Variants in CEP83 observed in about 807,000 individuals in gnomAD.
CEP83 encodes the protein centrosomal protein 83, also known as centrosomal protein of 83 kDa.
In CEP83, 70 loss-of-function variants were observed where a neutral mutation model predicts 101.9. The ratio of observed to expected loss-of-function variants is 0.69; its 90% confidence interval spans 0.57 to 0.84. CEP83 has a LOEUF of 0.84. Among genes scored for constraint, CEP83 ranks in the 40% least tolerant of loss-of-function variants. The pLI is 0.00. For missense variants in CEP83, 715 were observed against 787.2 expected, an observed-to-expected ratio of 0.91 and a Z score of 1.10; for synonymous variants, 264 against 267.9, an observed-to-expected ratio of 0.99 and a Z score of 0.14.
At chr12:94,408,612 C>T (rs866570057) in intron 4 of CEP83, among the ~76,000 whole-genome samples, 8 of 151,990 alleles carry the variant, frequency 5.3e-5, no homozygotes, top group East Asian at 1.9e-4. Context: ...CAGGGTCTCG[C>T]GCTGTTGCCC....
At chr12:94,403,544 A>C (rs1448129781) in intron 4 of CEP83, among the ~76,000 whole-genome samples, 2 of 152,190 alleles carry the variant, frequency 1.3e-5, no homozygotes, top group African/African-American at 4.8e-5. Flanking sequence ...GGCAGCTAAG[A>C]CTATCATGTT....
intron 11 of CEP83, among the ~76,000 whole-genome samples, chr12:94,363,252 C>G (rs953499720): frequency 2.6e-5 from 4 of 152,168 alleles, no homozygotes; most frequent in Non-Finnish European, 5.9e-5. Context: ...TTGATCATTA[C>G]ACATTGTATA....
intron 11 of CEP83, among the ~76,000 whole-genome samples, chr12:94,367,109 C>G (rs1257055682): frequency 6.6e-6 from 1 of 151,916 alleles, no homozygotes; most frequent in Non-Finnish European, 1.5e-5. Flanking sequence ...TTGGCAAATG[C>G]TAGAGTTATA....
At chr12:94,373,536 C>A (rs2061394225) in intron 8 of CEP83, among the ~76,000 whole-genome samples, 1 of 152,128 alleles carries the variant, frequency 6.6e-6, no homozygotes, top group African/African-American at 2.4e-5. Context: ...GATGTAATTA[C>A]CCAATTAATT....
chr12:94,369,894 A>AG (rs745810975), intron 9 of CEP83, 28 bp downstream of exon 9: 1 of 1,106,102 alleles, frequency 9.0e-7, no homozygotes, highest in East Asian at 2.4e-5. Context: ...AAGCAGCAGC[A>AG]GCAGCAGCAA....
intron 2 of CEP83, chr12:94,424,891 T>C (rs1339258108): frequency 5.6e-6 from 9 of 1,599,442 alleles, no homozygotes; most frequent in African/African-American, 1.3e-5. Flanking sequence ...GCTGAGCCAA[T>C]GACACATATG....
chr12:94,415,129 A>G (rs1208235284), intron 2 of CEP83, among the ~76,000 whole-genome samples: 2 of 152,114 alleles, frequency 1.3e-5, no homozygotes, highest in Non-Finnish European at 2.9e-5. Flanking sequence ...AAACATGAAA[A>G]CAAGGCAGAA....
intron 2 of CEP83, chr12:94,424,400 G>A: frequency 1.2e-6 from 2 of 1,613,958 alleles, no homozygotes; most frequent in Non-Finnish European, 1.7e-6. Flanking sequence ...GGTGATGATG[G>A]CTTCACACTT....
chr12:94,312,544 A>C (rs938905357), intron 15 of CEP83: 1 of 984,406 alleles, frequency 1.0e-6, no homozygotes, highest in African/African-American at 1.7e-5. Context: ...GCTCAATAAA[A>C]TCTCCACACC....
chr12:94,326,115 G>T lies in CEP83; in HGVS notation c.1707+5585C>A, dbSNP rs149306345. On this transcript the variant is annotated intron_variant, in intron 14 of 16. Transcript: ENST00000397809. ...TCCCCTGACCCGTAAGAAGGGGAGGGGGCTGGAAACTCTTCAACAATGAGA... is the reference window on the plus strand; with the variant it reads ...TCCCCTGACCCGTAAGAAGGGGAGGTGGCTGGAAACTCTTCAACAATGAGA... Among the ~76,000 whole-genome samples, 326 of 152,128 alleles carry T rather than the reference G, an allele frequency of 2.1e-3. 1 individual carries two copies. The highest frequency in any genetic ancestry group is 7.4e-3 in the African/African-American group (307 of 41,510).
chr12:94,342,610 GTTTAA>G (rs1336757902), intron 11 of CEP83, among the ~76,000 whole-genome samples: 1 of 152,038 alleles, frequency 6.6e-6, no homozygotes, highest in African/African-American at 2.4e-5. Context: ...AAAATAAAAT[GTTTAA>G]TTTATTAAAA....
At chr12:94,447,198 G>A (rs183708867) in intron 1 of CEP83, among the ~76,000 whole-genome samples, 9 of 152,286 alleles carry the variant, frequency 5.9e-5, no homozygotes, top group Admixed American at 1.3e-4. Context: ...AGTCCCTCAG[G>A]ATAAAAGGAA....
chr12:94,442,267 G>C (rs1038491000), intron 1 of CEP83, among the ~76,000 whole-genome samples: 4 of 151,892 alleles, frequency 2.6e-5, no homozygotes, highest in African/African-American at 9.7e-5. Context: ...AAGTAACTCA[G>C]GAATGGAAAA....
chr12:94,273,459 T>G, the CEP83 span, among the ~76,000 whole-genome samples: 1 of 152,116 alleles, frequency 6.6e-6, no homozygotes, highest in African/African-American at 2.4e-5. Context: ...TCTAGGGGCC[T>G]CCCTCATGAA....
At chr12:94,446,108 C>A (rs954527359) in intron 1 of CEP83, among the ~76,000 whole-genome samples, 2 of 152,188 alleles carry the variant, frequency 1.3e-5, no homozygotes, top group Non-Finnish European at 2.9e-5. Flanking sequence ...TTTTGCTTTG[C>A]AAACATTTAT....
chr12:94,275,873 A>G, the CEP83 span, among the ~76,000 whole-genome samples: 408 of 150,732 alleles, frequency 2.7e-3, 83 homozygotes, highest in African/African-American at 9.6e-3. Flanking sequence ...AAAAAAAAAA[A>G]AAAAAAAAGA....
At chr12:94,434,466 C>T (rs982239874) in intron 2 of CEP83, among the ~76,000 whole-genome samples, 9 of 151,982 alleles carry the variant, frequency 5.9e-5, no homozygotes, top group African/African-American at 1.9e-4. Flanking sequence ...GTAAGAAAAC[C>T]GGTTTAGAAA....
chr12:94,283,798 T>C, the CEP83 span, among the ~76,000 whole-genome samples: 3 of 152,074 alleles, frequency 2.0e-5, no homozygotes, highest in Admixed American at 6.5e-5. Context: ...AAGAGCAGGG[T>C]CTGGGCCAGG....
At chr12:94,353,857 T>TA (rs35029140) in intron 11 of CEP83, among the ~76,000 whole-genome samples, 41,294 of 147,424 alleles carry the variant, frequency 0.28, 6,354 homozygotes, top group South Asian at 0.38. Flanking sequence ...AAAAGAACTG[T>TA]AAAAAAAAAA....
Sources: gnomAD v4.1 joint callset for allele counts (sites outside exome capture counted in the v4.1 genomes callset) on GRCh38, gnomAD v4.1.1 for gene constraint, MANE v1.5 for transcripts, NCBI Gene and HGNC (gene_info 2026-07-23, HGNC 2026-07-21) for gene names.